ATXN1: variants seen among roughly 807,000 people sequenced by gnomAD.
The protein encoded by ATXN1 is ataxin-1.
ATXN1 carries 8 observed loss-of-function variants against 56.4 expected under a neutral mutation model. That is an observed-to-expected ratio of 0.14 (90% CI 0.08 to 0.26). ATXN1 has a LOEUF of 0.26. ATXN1 is among the 10% of genes least tolerant of loss of function. The pLI is 1.00. For missense variants in ATXN1, 987 were observed against 1,106.5 expected (o/e 0.89, Z 1.53); for synonymous variants, 514 against 494.6 (o/e 1.04, Z -0.52).
chr6:16,547,429 C>T (rs1360426853), intron 4 of ATXN1, among the ~76,000 whole-genome samples: 1 of 152,144 alleles, frequency 6.6e-6, no homozygotes, highest in Non-Finnish European at 1.5e-5. Flanking sequence ...GGAGTCTCAC[C>T]ACAAGACCCA....
At chr6:16,632,711 G>A (rs748339164) in intron 3 of ATXN1, among the ~76,000 whole-genome samples, 4 of 152,058 alleles carry the variant, frequency 2.6e-5, no homozygotes, top group Non-Finnish European at 5.9e-5. Flanking sequence ...CCACAAACAT[G>A]AACCTCTACA....
chr6:16,697,336 T>C (rs1380705741), intron 2 of ATXN1, among the ~76,000 whole-genome samples: 4 of 152,192 alleles, frequency 2.6e-5, no homozygotes, highest in South Asian at 2.1e-4. Flanking sequence ...TTTGCTTTTT[T>C]ACCCTTGGAC....
At chr6:16,703,131 C>A (rs1354967368) in intron 2 of ATXN1, among the ~76,000 whole-genome samples, 1 of 152,074 alleles carries the variant, frequency 6.6e-6, no homozygotes, top group Non-Finnish European at 1.5e-5. Context: ...CACATACACA[C>A]CAGGGAATAC....
At chr6:16,332,977 C>A (rs1029640282) in intron 6 of ATXN1, among the ~76,000 whole-genome samples, 1 of 152,304 alleles carries the variant, frequency 6.6e-6, no homozygotes, top group African/African-American at 2.4e-5. Context: ...GAAACCCTAG[C>A]AGCTATCCGA....
At chr6:16,740,710 T>C (rs866212273) in intron 2 of ATXN1, among the ~76,000 whole-genome samples, 5 of 152,206 alleles carry the variant, frequency 3.3e-5, no homozygotes, top group Admixed American at 1.3e-4. Flanking sequence ...TTTATTTATT[T>C]TTTTTAGAGA....
chr6:16,700,552 T>C (rs1439435154), intron 2 of ATXN1, among the ~76,000 whole-genome samples: 1 of 152,148 alleles, frequency 6.6e-6, no homozygotes, highest in African/African-American at 2.4e-5. Context: ...TGCTGAATCC[T>C]GGCCATTTAC....
At chr6:16,594,771 G>A (rs767765234) in intron 3 of ATXN1, among the ~76,000 whole-genome samples, 2 of 152,110 alleles carry the variant, frequency 1.3e-5, no homozygotes, top group East Asian at 1.9e-4. Flanking sequence ...GTGAGCCACC[G>A]TGCCCAGCCT....
At chr6:16,731,449 CTTTT>C (rs1759976671) in intron 2 of ATXN1, among the ~76,000 whole-genome samples, 1 of 41,076 alleles carries the variant, frequency 2.4e-5, no homozygotes, top group African/African-American at 8.8e-5. Flanking sequence ...CTTTTTTTTT[CTTTT>C]CTTTTTTTTT....
intron 5 of ATXN1, among the ~76,000 whole-genome samples, chr6:16,487,326 T>C (rs1760568915): frequency 6.7e-6 from 1 of 150,090 alleles, no homozygotes; most frequent in African/African-American, 2.4e-5. Flanking sequence ...ATAGCATTTC[T>C]GAGGAAAAAA....
At chr6:16,428,850 G>A (rs1023787226) in intron 6 of ATXN1, among the ~76,000 whole-genome samples, 2 of 152,212 alleles carry the variant, frequency 1.3e-5, no homozygotes, top group Non-Finnish European at 2.9e-5. Flanking sequence ...CCCAAGTGGG[G>A]AGAGGTTAAT....
At chr6:16,377,298 C>T (rs1762159219) in intron 6 of ATXN1, among the ~76,000 whole-genome samples, 1 of 152,202 alleles carries the variant, frequency 6.6e-6, no homozygotes, top group South Asian at 2.1e-4. Flanking sequence ...AAAAATACAT[C>T]CACCTCAAAG....
intron 6 of ATXN1, among the ~76,000 whole-genome samples, chr6:16,481,821 G>A (rs936613851): frequency 6.6e-6 from 1 of 152,104 alleles, no homozygotes; most frequent in Non-Finnish European, 1.5e-5. Flanking sequence ...AAAGAAATAT[G>A]AACGTAAGCA....
At chr6:16,338,641 C>G (rs183437050) in intron 6 of ATXN1, among the ~76,000 whole-genome samples, 1 of 152,308 alleles carries the variant, frequency 6.6e-6, no homozygotes, top group Admixed American at 6.5e-5. Context: ...AACACACACT[C>G]AGTACATGGT....
chr6:16,624,915 C>T (rs1342177691), intron 3 of ATXN1, among the ~76,000 whole-genome samples: 1 of 152,208 alleles, frequency 6.6e-6, no homozygotes, highest in Admixed American at 6.5e-5. Context: ...CAGCTTCAAC[C>T]TTTGTTTCTG....
At chr6:16,623,738 A>C (rs568762144) in intron 3 of ATXN1, among the ~76,000 whole-genome samples, 5 of 152,350 alleles carry the variant, frequency 3.3e-5, no homozygotes, top group South Asian at 2.1e-4. Flanking sequence ...TTGCCAGATA[A>C]GAAGCATGTG....
In ATXN1 at chr6:16,753,425, C is replaced by A; in HGVS notation, c.-729-78G>T. ...AGACTGCTTTAAAAAATAAGTCCAC[C>A]TTAAGTGTCTATGCACCGAAATACA... is the stretch of plus-strand genomic sequence containing the variant. On this transcript the variant is annotated intron_variant, in intron 1 of 7. Coordinates refer to ENST00000436367, the MANE Select transcript of ATXN1 (RefSeq NM_001128164.2). 4 of 447,516 alleles carry A rather than the reference C, an allele frequency of 8.9e-6. No individual in the cohort carries two copies. The Admixed American group carries it at 9.6e-5, about 11-fold the overall frequency. The allele number at this position is 447,516 out of a possible 1,614,324, so 27.7% of individuals were successfully genotyped here. A position where few individuals can be genotyped will look rare whatever the true frequency, so the allele number is the denominator to read the frequency against.
intron 3 of ATXN1, among the ~76,000 whole-genome samples, chr6:16,654,083 G>A (rs1007254055): frequency 2.6e-5 from 4 of 152,166 alleles, no homozygotes; most frequent in Non-Finnish European, 4.4e-5. Flanking sequence ...GAAGCAGGAG[G>A]TACTGGGATT....
Position 16,410,883 on chromosome 6 carries a change from G to C in ATXN1, c.-161+75089C>G, listed in dbSNP as rs983998001. ...CTCACGCCTGTAATCCCAGCTCTTTGGGAGGCCAATGCAGGCGGATCACTT... is the reference window on the plus strand; with the variant it reads ...CTCACGCCTGTAATCCCAGCTCTTTCGGAGGCCAATGCAGGCGGATCACTT... On this transcript the variant is annotated intron_variant, in intron 6 of 7. Transcript: ENST00000436367. The surrounding 1 kb of genome is among the most constrained non-coding windows in gnomAD (Gnocchi z 4.6). Among the ~76,000 whole-genome samples the C allele has an allele frequency of 6.6e-6, 1 of 152,174 alleles. No individual in the cohort carries two copies. Among genetic ancestry groups the C allele is most frequent in the Non-Finnish European group, 1.5e-5 (1 of 68,028 alleles).
At chr6:16,523,209 AT>A (rs1275869830) in intron 4 of ATXN1, among the ~76,000 whole-genome samples, 2 of 151,804 alleles carry the variant, frequency 1.3e-5, no homozygotes, top group Non-Finnish European at 2.9e-5. Flanking sequence ...GCCGTGTTTT[AT>A]TTTTTTGAGA....
Sources: allele counts gnomAD v4.1 joint callset (sites outside exome capture counted in the v4.1 genomes callset), GRCh38; gene constraint gnomAD v4.1.1; non-coding constraint Gnocchi (gnomAD v3.1); transcripts MANE v1.5; gene names NCBI Gene and HGNC (gene_info 2026-07-23, HGNC 2026-07-21).